Variants in JARID2 observed in about 807,000 individuals in gnomAD.
JARID2 encodes the protein protein Jumonji.
JARID2 carries 21 observed loss-of-function variants against 125.6 expected under a neutral mutation model. That is an observed-to-expected ratio of 0.17 (90% CI 0.12 to 0.24). JARID2 has a LOEUF of 0.24. JARID2 is among the 10% of genes least tolerant of loss of function. JARID2 has a pLI of 1.00. For synonymous variants in JARID2, 736 were observed against 661.6 expected (o/e 1.11, Z -1.73); for missense variants, 1,303 against 1,639.6 (o/e 0.79, Z 3.55).
chr6:15,516,748 C>T (rs890535560), intron 16 of JARID2, among the ~76,000 whole-genome samples: 25 of 152,168 alleles, frequency 1.6e-4, no homozygotes, highest in Non-Finnish European at 3.1e-4. Context: ...ACATCTATTC[C>T]AGCACTAGGG....
chr6:15,253,296 C>G (rs933128475), intron 1 of JARID2, among the ~76,000 whole-genome samples: 3 of 152,190 alleles, frequency 2.0e-5, no homozygotes, highest in African/African-American at 7.2e-5. Context: ...AACTCCTGAC[C>G]TCATGATCTG....
rs551908325 is a variant in JARID2, at chr6:15,498,227, G to T, written c.1945+1057G>T. 6.6e-5 allele frequency among the ~76,000 whole-genome samples: 10 copies of T among 152,264 alleles called. No individual in the cohort carries two copies. The South Asian group carries it at 1.7e-3, about 25-fold the overall frequency. On this transcript the variant is annotated intron_variant, in intron 7 of 17. Transcript: ENST00000341776. Reference sequence around the variant, plus strand: ...ATTTTGTCAAGGCCACAGGTCAAGGGATCTGTTGACCTTTTTTCTGAGACC... The same window carrying T: ...ATTTTGTCAAGGCCACAGGTCAAGGTATCTGTTGACCTTTTTTCTGAGACC...
intron 3 of JARID2, among the ~76,000 whole-genome samples, chr6:15,451,518 GCTAA>G (rs1363010456): frequency 6.6e-6 from 1 of 152,168 alleles, no homozygotes; most frequent in Non-Finnish European, 1.5e-5. Flanking sequence ...GACACTGATG[GCTAA>G]ATAGGCAAAG....
At chr6:15,383,016 T>C (rs998005909) in intron 2 of JARID2, among the ~76,000 whole-genome samples, 1 of 151,792 alleles carries the variant, frequency 6.6e-6, no homozygotes, top group Non-Finnish European at 1.5e-5. Context: ...GCGGAGGAGG[T>C]GGTCTGTGTA....
chr6:15,470,848 T>C (rs1769042037), intron 5 of JARID2, among the ~76,000 whole-genome samples: 1 of 152,214 alleles, frequency 6.6e-6, no homozygotes, highest in Admixed American at 6.5e-5. Context: ...TTTTTGGGAC[T>C]GTTGCCTGTT....
At chr6:15,353,982 C>T (rs1763514992) in intron 1 of JARID2, among the ~76,000 whole-genome samples, 1 of 152,182 alleles carries the variant, frequency 6.6e-6, no homozygotes, top group East Asian at 1.9e-4. Flanking sequence ...CCCCTCTGTG[C>T]CAGCACATCC....
At chr6:15,415,088 C>G (rs1189975708) in intron 3 of JARID2, among the ~76,000 whole-genome samples, 2 of 152,204 alleles carry the variant, frequency 1.3e-5, no homozygotes, top group Non-Finnish European at 2.9e-5. Context: ...CCATTTAACC[C>G]TGAGTGGACA....
At chr6:15,282,344 T>A (rs921268490) in intron 1 of JARID2, among the ~76,000 whole-genome samples, 1 of 152,214 alleles carries the variant, frequency 6.6e-6, no homozygotes, top group East Asian at 1.9e-4. Context: ...TCCTCCCTTC[T>A]TGCCAACACT....
At chr6:15,276,683 A>T (rs533613405) in intron 1 of JARID2, among the ~76,000 whole-genome samples, 5 of 152,276 alleles carry the variant, frequency 3.3e-5, no homozygotes, top group Admixed American at 6.5e-5. Flanking sequence ...GGTCAGAGAT[A>T]CTGGACTCCT....
intron 5 of JARID2, among the ~76,000 whole-genome samples, chr6:15,469,306 CTCTCTCTCT>C (rs1768915316): frequency 1.3e-5 from 1 of 78,048 alleles, no homozygotes; most frequent in Non-Finnish European, 3.1e-5. Flanking sequence ...CTGTCTCTGT[CTCTCTCTCT>C]CTGTCTCTCT....
intron 5 of JARID2, among the ~76,000 whole-genome samples, chr6:15,472,067 C>T (rs953292330): frequency 6.7e-6 from 1 of 148,526 alleles, no homozygotes; most frequent in Non-Finnish European, 1.5e-5. Context: ...CAGATATTTC[C>T]AGGAACAGTG....
At chr6:15,511,024 C>T (rs562291171) in intron 12 of JARID2, among the ~76,000 whole-genome samples, 8 of 152,314 alleles carry the variant, frequency 5.3e-5, no homozygotes, top group South Asian at 2.1e-4. Flanking sequence ...CTTTTTGGCT[C>T]ACCAGGTGGG....
At chr6:15,510,915 A>AGGGTGCAGTGCT (rs1204101174) in intron 12 of JARID2, among the ~76,000 whole-genome samples, 1 of 152,208 alleles carries the variant, frequency 6.6e-6, no homozygotes, top group Non-Finnish European at 1.5e-5. Context: ...TAACAGAAGG[A>AGGGTGCAGTGCT]GGGTGCAGTG....
chr6:15,433,241 T>C lies in JARID2; in HGVS notation c.324-18765T>C, dbSNP rs148506879. On this transcript the variant is annotated intron_variant, in intron 3 of 17. Coordinates refer to ENST00000341776, the MANE Select transcript of JARID2 (RefSeq NM_004973.4). The stretch of plus-strand genomic sequence containing the variant: ...AGGGCCAGGTAGCCCCATTTCCTTA[T>C]AGGGACCTTTTCCTTTGTGTGTCCC... Among the ~76,000 whole-genome samples, 1,311 of 152,340 alleles carry C rather than the reference T, an allele frequency of 8.6e-3. 33 individuals carry two copies. The highest frequency in any genetic ancestry group is 0.073 in the South Asian group (354 of 4,826).
chr6:15,285,670 T>TTC lies in JARID2; in HGVS notation c.45+39090_45+39091dup, dbSNP rs113671733. Among the ~76,000 whole-genome samples the TTC allele has an allele frequency of 2.5e-3, 388 of 152,312 alleles. 4 individuals carry two copies. Among genetic ancestry groups the TTC allele is most frequent in the African/African-American group, 8.8e-3 (366 of 41,566 alleles). ...TTTTTATTCCTGAGACCTTTTCTAG[T>TTC]TCTCTAACATGTTCCCCAATAAACG... On this transcript the variant is annotated intron_variant, in intron 1 of 17. Coordinates refer to ENST00000341776, the MANE Select transcript of JARID2 (RefSeq NM_004973.4).
rs1432581311 is a variant in JARID2 at position 15,246,219 on chromosome 6, AG to A, written c.-313del. The A allele has an allele frequency of 1.4e-4, 63 of 460,260 alleles. No individual in the cohort carries two copies. The highest frequency in any genetic ancestry group is 4.3e-4 in the South Asian group (10 of 23,244). The allele number at this position is 460,260 out of a possible 1,614,324, so 28.5% of individuals were successfully genotyped here. Reference sequence around the variant, plus strand: ...CGCTGATGTAGTTTTTGGAGGAAAAAGGGGGGGGAGTGAAGGGCGTCGGTTT... The same window carrying A: ...CGCTGATGTAGTTTTTGGAGGAAAAAGGGGGGGAGTGAAGGGCGTCGGTTT... On this transcript the variant is annotated 5_prime_UTR_variant, in exon 1 of 18. Coordinates refer to ENST00000341776, the MANE Select transcript of JARID2 (RefSeq NM_004973.4).
chr6:15,479,011 G>T (rs1186278148), intron 5 of JARID2, among the ~76,000 whole-genome samples: 2 of 152,132 alleles, frequency 1.3e-5, no homozygotes, highest in Non-Finnish European at 1.5e-5. Context: ...CATTTTATTC[G>T]TGTGTTCTTT....
intron 3 of JARID2, among the ~76,000 whole-genome samples, chr6:15,447,860 CTA>C (rs1185145680): frequency 2.6e-5 from 4 of 152,226 alleles, no homozygotes; most frequent in African/African-American, 4.8e-5. Flanking sequence ...ATTAGCATCT[CTA>C]GGTGCAAATA....
At chr6:15,328,619 A>G (rs1027054638) in intron 1 of JARID2, among the ~76,000 whole-genome samples, 1 of 151,980 alleles carries the variant, frequency 6.6e-6, no homozygotes, top group Non-Finnish European at 1.5e-5. Flanking sequence ...TAGGTTGCCC[A>G]GTGTAATATA....
Sources: allele counts gnomAD v4.1 joint callset (sites outside exome capture counted in the v4.1 genomes callset), GRCh38; gene constraint gnomAD v4.1.1; transcripts MANE v1.5; gene names NCBI Gene and HGNC (gene_info 2026-07-23, HGNC 2026-07-21).